The following MYRIP variants were observed in gnomAD, a reference collection of about 807,000 sequenced individuals.
MYRIP encodes the protein myosin VIIA and Rab interacting protein, also known as rab effector MyRIP.
In MYRIP, 49 loss-of-function variants were observed where a neutral mutation model predicts 98.0. The observed-to-expected ratio is 0.50, with a 90% confidence interval of 0.40 to 0.63. MYRIP has a LOEUF of 0.63. MYRIP is among the 30% of genes least tolerant of loss of function. The pLI, the probability that MYRIP is intolerant of heterozygous loss-of-function variation, is 0.00. For synonymous variants in MYRIP, 404 were observed against 409.5 expected, an observed-to-expected ratio of 0.99 and a Z score of 0.16; for missense variants, 1,004 against 1,058.2, an observed-to-expected ratio of 0.95 and a Z score of 0.71.
chr3:39,917,819 A>C lies in MYRIP; in HGVS notation c.110+16893A>C, dbSNP rs1944199828. 1.3e-5 allele frequency among the ~76,000 whole-genome samples: 2 copies of C among 152,186 alleles called. 1 individual carries two copies. Among genetic ancestry groups the C allele is most frequent in the South Asian group, 4.2e-4 (2 of 4,818 alleles). ...TTGACCAATCAGATCATTATAACTTAATGTTAAGCCTTATATTAAAAAGTA... is the reference window on the plus strand; with the variant it reads ...TTGACCAATCAGATCATTATAACTTCATGTTAAGCCTTATATTAAAAAGTA... On this transcript the variant is annotated intron_variant, in intron 2 of 16. Coordinates refer to ENST00000302541, the MANE Select transcript of MYRIP (RefSeq NM_015460.4).
At chr3:39,890,755 C>G (rs2125658920) in intron 1 of MYRIP, among the ~76,000 whole-genome samples, 1 of 151,694 alleles carries the variant, frequency 6.6e-6, no homozygotes, top group South Asian at 2.1e-4. Flanking sequence ...AAAAGGAAGA[C>G]TGCTTATAGT....
chr3:39,874,326 C>A (rs1004678135), intron 1 of MYRIP, among the ~76,000 whole-genome samples: 1 of 151,744 alleles, frequency 6.6e-6, no homozygotes, highest in Non-Finnish European at 1.5e-5. Flanking sequence ...ATTGAATACC[C>A]TTTATTTCCT....
intron 2 of MYRIP, among the ~76,000 whole-genome samples, chr3:39,959,688 C>G (rs1243039312): frequency 6.8e-6 from 1 of 147,030 alleles, no homozygotes; most frequent in Non-Finnish European, 1.5e-5. Flanking sequence ...AAAAAAAAAG[C>G]AAACTTACTG....
chr3:40,003,774 T>C (rs538811408), intron 2 of MYRIP, among the ~76,000 whole-genome samples: 1 of 152,174 alleles, frequency 6.6e-6, no homozygotes, highest in Non-Finnish European at 1.5e-5. Context: ...ATTCTTGCTT[T>C]TGTTTCCGAA....
intron 1 of MYRIP, among the ~76,000 whole-genome samples, chr3:39,879,326 A>G (rs1943101754): frequency 6.6e-6 from 1 of 151,366 alleles, no homozygotes; most frequent in African/African-American, 2.4e-5. Flanking sequence ...TGCAAATCCC[A>G]ACATCTGGGT....
intron 3 of MYRIP, chr3:40,100,170 T>A: frequency 1.0e-6 from 1 of 985,470 alleles, no homozygotes; most frequent in Non-Finnish European, 1.2e-6. Flanking sequence ...GTGCCCTGTG[T>A]CCTGGCGTTT....
At chr3:39,885,583 G>A (rs537760186) in intron 1 of MYRIP, among the ~76,000 whole-genome samples, 27 of 152,022 alleles carry the variant, frequency 1.8e-4, no homozygotes, top group East Asian at 5.8e-4. Flanking sequence ...ATAATATCCC[G>A]CAGAGTGTTT....
intron 3 of MYRIP, among the ~76,000 whole-genome samples, chr3:40,089,896 CCTGTGAGT>C (rs1198791946): frequency 1.3e-5 from 2 of 151,998 alleles, no homozygotes; most frequent in African/African-American, 4.8e-5. Context: ...AATGCAAAAG[CCTGTGAGT>C]CTGTTTCAGT....
chr3:40,173,135 G>A (rs2125602312), intron 8 of MYRIP: 1 of 152,258 alleles, frequency 6.6e-6, no homozygotes, highest in South Asian at 2.1e-4. Context: ...AATAACACAG[G>A]ACCAATACCT....
chr3:40,087,931 C>T (rs1390103048), intron 3 of MYRIP, among the ~76,000 whole-genome samples: 1 of 122,100 alleles, frequency 8.2e-6, no homozygotes, highest in African/African-American at 2.7e-5. Flanking sequence ...CTCACTACAC[C>T]ATTGTCTTGT....
chr3:39,950,655 C>T (rs1226714114), intron 2 of MYRIP, among the ~76,000 whole-genome samples: 1 of 152,090 alleles, frequency 6.6e-6, no homozygotes, highest in African/African-American at 2.4e-5. Context: ...TTCTTCACAG[C>T]GTGATGGCCT....
intron 12 of MYRIP, among the ~76,000 whole-genome samples, chr3:40,235,039 T>A (rs995008469): frequency 2.6e-5 from 4 of 151,668 alleles, no homozygotes; most frequent in African/African-American, 9.7e-5. Flanking sequence ...ATTTAATTTA[T>A]GTTTTTGATG....
Position 40,151,185 on chromosome 3 carries a change from G to A in MYRIP, c.469+1G>A. 6.3e-7 allele frequency: 1 copy of A among 1,597,146 alleles called. No individual in the cohort carries two copies. Among genetic ancestry groups the A allele is most frequent in the Non-Finnish European group, 8.5e-7 (1 of 1,170,070 alleles). ...AGTGGCGCGTGCTTCGACATTCTAG[G>A]TACTCTCACTTCCTGCCGCTCTGGG... On this transcript the variant is annotated splice_donor_variant, in intron 4 of 16. Transcript: ENST00000302541. LOFTEE classifies it high-confidence loss of function.
chr3:40,231,713 C>T lies in MYRIP; in HGVS notation c.1906-2146C>T, dbSNP rs567798196. ...TACCTTGGACCTTTAATGCACTGTG[C>T]TGTTTGGAAATTTGTGTAAATTTTT... On this transcript the variant is annotated intron_variant, in intron 11 of 16. Transcript: ENST00000302541. Among the ~76,000 whole-genome samples the T allele has an allele frequency of 2.6e-5, 4 of 152,262 alleles. No homozygotes were observed. In the South Asian group the frequency reaches 6.2e-4, roughly 24 times the overall value.
At chr3:40,076,710 A>T (rs981394157) in intron 3 of MYRIP, among the ~76,000 whole-genome samples, 5 of 152,164 alleles carry the variant, frequency 3.3e-5, no homozygotes, top group African/African-American at 1.2e-4. Context: ...CTTAGCTCAA[A>T]GGGGGACTGG....
chr3:40,045,560 G>T (rs144846560), intron 3 of MYRIP, among the ~76,000 whole-genome samples: 273 of 152,288 alleles, frequency 1.8e-3, no homozygotes, highest in African/African-American at 6.4e-3. Context: ...CTCAGTCAAG[G>T]TGGGGTAAGC....
At chr3:40,042,174 A>T (rs1172101022) in intron 2 of MYRIP, among the ~76,000 whole-genome samples, 2 of 149,130 alleles carry the variant, frequency 1.3e-5, no homozygotes, top group Non-Finnish European at 3.0e-5. Flanking sequence ...ATAACAATAT[A>T]GTAAAATGCT....
At chr3:40,078,126 C>T (rs1948392702) in intron 3 of MYRIP, among the ~76,000 whole-genome samples, 1 of 152,232 alleles carries the variant, frequency 6.6e-6, no homozygotes, top group African/African-American at 2.4e-5. Context: ...GGTGGGCTGG[C>T]ACTGCTGGGG....
At chr3:40,160,619 C>T (rs1217561594) in intron 4 of MYRIP, among the ~76,000 whole-genome samples, 1 of 152,220 alleles carries the variant, frequency 6.6e-6, no homozygotes, top group Non-Finnish European at 1.5e-5. Context: ...AGTTTGATCT[C>T]AGACTGCTGT....
Sources: gnomAD v4.1 joint callset for allele counts (sites outside exome capture counted in the v4.1 genomes callset) on GRCh38, gnomAD v4.1.1 for gene constraint, MANE v1.5 for transcripts, NCBI Gene and HGNC (gene_info 2026-07-23, HGNC 2026-07-21) for gene names.